Variants in ADARB2 observed in about 807,000 individuals in gnomAD.
ADARB2 encodes inactive double-stranded RNA-specific editase B2.
ADARB2 carries 25 observed loss-of-function variants against 62.2 expected under a neutral mutation model. The observed-to-expected ratio is 0.40, with a 90% CI of 0.29 to 0.56. ADARB2 has a LOEUF of 0.56. ADARB2 is among the 20% of genes least tolerant of loss of function. The pLI, the probability that ADARB2 is intolerant of heterozygous loss-of-function variation, is 0.43. For synonymous variants in ADARB2, 572 were observed against 500.8 expected (o/e 1.14, Z -1.90); for missense variants, 1,071 against 1,077.4 (o/e 0.99, Z 0.08).
intron 6 of ADARB2, among the ~76,000 whole-genome samples, chr10:1,227,845 C>A (rs931801601): frequency 6.6e-6 from 1 of 152,184 alleles, no homozygotes; most frequent in Non-Finnish European, 1.5e-5. Flanking sequence ...GAAAGTCTGC[C>A]TGTGAAGCAA....
At chr10:1,488,089 G>T (rs1831566137) in intron 1 of ADARB2, among the ~76,000 whole-genome samples, 1 of 152,076 alleles carries the variant, frequency 6.6e-6, no homozygotes, top group African/African-American at 2.4e-5. Flanking sequence ...TCAATATAAA[G>T]AATCCATTCC....
chr10:1,612,082 T>C (rs1564346710), intron 1 of ADARB2, among the ~76,000 whole-genome samples: 1 of 152,146 alleles, frequency 6.6e-6, no homozygotes, highest in African/African-American at 2.4e-5. Flanking sequence ...TTGGAGGGGA[T>C]CTTTCCAGCT....
chr10:1,526,180 G>T (rs563292775), intron 1 of ADARB2, among the ~76,000 whole-genome samples: 33 of 152,052 alleles, frequency 2.2e-4, no homozygotes, highest in Admixed American at 2.0e-3. Flanking sequence ...ATTTGGAAAG[G>T]ACACAGGTGG....
At position 1,229,093 on chromosome 10, in the gene ADARB2, G is replaced by A. The variant is rs77294464; in HGVS notation, c.1513+4601C>T. ...GAAACAACAAACTTGAATGCCTTCCGAAGCTAGCAGGTGACACAGCTCCCA... is the reference window on the plus strand; with the variant it reads ...GAAACAACAAACTTGAATGCCTTCCAAAGCTAGCAGGTGACACAGCTCCCA... On this transcript the variant is annotated intron_variant, in intron 6 of 9. Transcript: ENST00000381312. 1.9e-3 allele frequency among the ~76,000 whole-genome samples: 295 copies of A among 152,320 alleles called. 2 individuals carry two copies. Among genetic ancestry groups the A allele is most frequent in the African/African-American group, 6.5e-3 (270 of 41,576 alleles).
chr10:1,198,924 C>A (rs535930612), intron 8 of ADARB2, among the ~76,000 whole-genome samples: 1 of 152,270 alleles, frequency 6.6e-6, no homozygotes, highest in Admixed American at 6.5e-5. Flanking sequence ...ATTTGTACTC[C>A]ATATTTCCTT....
chr10:1,205,366 G>A (rs558715814), intron 7 of ADARB2, among the ~76,000 whole-genome samples: 22 of 104,318 alleles, frequency 2.1e-4, no homozygotes, highest in Non-Finnish European at 2.3e-5. Context: ...GGCACAGCCT[G>A]AGGGAGACAA....
chr10:1,400,285 C>T (rs1054431401), intron 1 of ADARB2, among the ~76,000 whole-genome samples: 4 of 152,124 alleles, frequency 2.6e-5, no homozygotes, highest in African/African-American at 7.2e-5. Context: ...TCCCTGAGTC[C>T]GAGTCCGGGC....
At chr10:1,266,686 G>C (rs1443751052) in intron 4 of ADARB2, among the ~76,000 whole-genome samples, 1 of 152,126 alleles carries the variant, frequency 6.6e-6, no homozygotes, top group Non-Finnish European at 1.5e-5. Context: ...ACAAGTGTGT[G>C]TATTCAGACG....
At position 1,271,005 on chromosome 10, in the gene ADARB2, G is replaced by A. The variant is rs766460335; in HGVS notation, c.1142C>T (p.Thr381Met). 159 of 1,613,340 alleles carry A rather than the reference G, an allele frequency of 9.9e-5. No individual in the cohort carries two copies. The highest frequency in any genetic ancestry group is 1.3e-4 in the Non-Finnish European group (156 of 1,179,756). Residue 381 changes from threonine to methionine, a missense_variant, in exon 4 of 10, where the codon ACG becomes ATG. Coordinates refer to ENST00000381312, the MANE Select transcript of ADARB2 (RefSeq NM_018702.4). ...QKFREVTTDLTPMHARHKALA... is the reference protein window; with the variant it reads ...QKFREVTTDLMPMHARHKALA... The stretch of plus-strand genomic sequence containing the variant: ...CGCTTTATGGCGGGCGTGCATGGGC[G>A]TGAGGTCCGTCGTCACCTCGCGGAA...
chr10:1,511,499 G>C (rs1831935528), intron 1 of ADARB2, among the ~76,000 whole-genome samples: 1 of 152,118 alleles, frequency 6.6e-6, no homozygotes, highest in South Asian at 2.1e-4. Flanking sequence ...CTGTGGAATG[G>C]GGGGTGGGGG....
At chr10:1,298,781 C>A (rs1831547314) in intron 3 of ADARB2, among the ~76,000 whole-genome samples, 1 of 126,562 alleles carries the variant, frequency 7.9e-6, no homozygotes, top group Non-Finnish European at 1.6e-5. Context: ...TTAGATTTGC[C>A]CAGGCTGGAG....
intron 1 of ADARB2, among the ~76,000 whole-genome samples, chr10:1,575,890 G>A (rs1056484552): frequency 2.6e-5 from 4 of 152,226 alleles, no homozygotes; most frequent in African/African-American, 9.6e-5. Context: ...TCCTGTCAGA[G>A]AGCCCATGAA....
intron 1 of ADARB2, among the ~76,000 whole-genome samples, chr10:1,489,478 A>G (rs1010268659): frequency 6.6e-6 from 1 of 152,250 alleles, no homozygotes; most frequent in Admixed American, 6.5e-5. Context: ...GTCCAGAGGA[A>G]CAAATACCTT....
intron 1 of ADARB2, among the ~76,000 whole-genome samples, chr10:1,442,915 G>A (rs563212087): frequency 2.6e-5 from 4 of 152,330 alleles, no homozygotes; most frequent in East Asian, 3.9e-4. Flanking sequence ...AATGCAATGA[G>A]CCAGTCTGAA....
chr10:1,183,937 C>T (rs1390502695), intron 9 of ADARB2, among the ~76,000 whole-genome samples: 1 of 152,208 alleles, frequency 6.6e-6, no homozygotes, highest in Non-Finnish European at 1.5e-5. Flanking sequence ...CGGGGGGTCA[C>T]CTCGAGCATG....
intron 1 of ADARB2, among the ~76,000 whole-genome samples, chr10:1,634,491 C>G (rs1251988950): frequency 6.6e-6 from 1 of 152,148 alleles, no homozygotes; most frequent in Non-Finnish European, 1.5e-5. Flanking sequence ...TCTGGAAGCT[C>G]CTTCCTCCAG....
intron 4 of ADARB2, among the ~76,000 whole-genome samples, chr10:1,258,765 C>A (rs908053536): frequency 6.6e-6 from 1 of 152,132 alleles, no homozygotes; most frequent in Admixed American, 6.5e-5. Context: ...ACAAGGATAT[C>A]CAGGAATTGA....
chr10:1,305,264 A>G (rs200452756), intron 3 of ADARB2, among the ~76,000 whole-genome samples: 2 of 142,288 alleles, frequency 1.4e-5, no homozygotes, highest in African/African-American at 5.0e-5. Context: ...TCAGAGAATA[A>G]TACAAACACC....
intron 1 of ADARB2, among the ~76,000 whole-genome samples, chr10:1,649,017 A>T (rs1834078815): frequency 6.6e-6 from 1 of 152,188 alleles, no homozygotes; most frequent in Non-Finnish European, 1.5e-5. Flanking sequence ...TTTACAGAGG[A>T]TGCTACCATA....
Sources: gnomAD v4.1 joint callset for allele counts (sites outside exome capture counted in the v4.1 genomes callset) on GRCh38, gnomAD v4.1.1 for gene constraint, MANE v1.5 for transcripts, NCBI Gene and HGNC (gene_info 2026-07-23, HGNC 2026-07-21) for gene names.